The following PIKFYVE variants were observed in gnomAD, a reference collection of about 807,000 sequenced individuals.
The protein encoded by PIKFYVE is phosphoinositide kinase, FYVE-type zinc finger containing, also known as 1-phosphatidylinositol 3-phosphate 5-kinase.
In PIKFYVE, 122 loss-of-function variants were observed where a neutral mutation model predicts 257.9. That is an observed-to-expected ratio of 0.47 (90% CI 0.41 to 0.55). The LOEUF is 0.55. Among genes scored for constraint, PIKFYVE ranks in the 20% least tolerant of loss-of-function variants. The pLI, the probability that PIKFYVE is intolerant of heterozygous loss-of-function variation, is 0.00. For missense variants in PIKFYVE, 2,160 were observed against 2,536.6 expected (o/e 0.85, Z 3.19); for synonymous variants, 892 against 868.9 (o/e 1.03, Z -0.47).
chr2:208,319,143 A>T (rs1559116324), intron 16 of PIKFYVE, among the ~76,000 whole-genome samples: 1 of 152,160 alleles, frequency 6.6e-6, no homozygotes, highest in African/African-American at 2.4e-5. Flanking sequence ...TTACAGCAAG[A>T]GCTGAGGCAG....
Position 208,330,519 on chromosome 2 carries a change from A to C in PIKFYVE, c.3792-4A>C. 6.2e-7 allele frequency: 1 copy of C among 1,614,024 alleles called. No homozygotes were observed. Among genetic ancestry groups the C allele is most frequent in the Non-Finnish European group, 8.5e-7 (1 of 1,179,948 alleles). On this transcript the variant is annotated splice_polypyrimidine_tract_variant and splice_region_variant and intron_variant, in intron 22 of 41. Transcript: ENST00000264380. ...TGTGAGAAGGGCTCTTTTGTTTGTCAAAGGCCTTCTTATCAGTGTCCAAGC... is the reference window on the plus strand; with the variant it reads ...TGTGAGAAGGGCTCTTTTGTTTGTCCAAGGCCTTCTTATCAGTGTCCAAGC...
chr2:208,354,077 C>A lies in PIKFYVE; in HGVS notation c.6024C>A (p.Phe2008Leu). Reference sequence around the variant, plus strand: ...CCTCGATCCATAGTGACTCCCATTTCCTTTCTAGCCACCTCATTATAGATT... The same window carrying A: ...CCTCGATCCATAGTGACTCCCATTTACTTTCTAGCCACCTCATTATAGATT... ...LRTSIHSDSHFLSSHLIIDYS... is the reference protein window; with the variant it reads ...LRTSIHSDSHLLSSHLIIDYS... The change falls in exon 40 of 42, where the codon TTC (phenylalanine) becomes TTA (leucine). Residue 2008 changes from phenylalanine (F) to leucine (L), a missense_variant. Around this residue, in one of 12 missense-constraint regions of PIKFYVE, gnomAD observed 699 missense variants for 855.8 expected, o/e 0.82. Coordinates refer to ENST00000264380, the MANE Select transcript of PIKFYVE (RefSeq NM_015040.4). The A allele has an allele frequency of 6.2e-7, 1 of 1,613,980 alleles. No homozygotes were observed.
chr2:208,320,942 C>T (rs1040563461), intron 17 of PIKFYVE, among the ~76,000 whole-genome samples: 3 of 152,170 alleles, frequency 2.0e-5, no homozygotes, highest in African/African-American at 4.8e-5. Flanking sequence ...GGAGGCACAC[C>T]CGCATCTCTG....
chr2:208,299,705 C>T (rs1417474791), intron 8 of PIKFYVE, among the ~76,000 whole-genome samples: 1 of 152,208 alleles, frequency 6.6e-6, no homozygotes, highest in Admixed American at 6.5e-5. Context: ...TTGTTATACA[C>T]ATGTAACACT....
chr2:208,289,954 TTTA>T (rs1692084646), intron 7 of PIKFYVE, among the ~76,000 whole-genome samples: 1 of 152,176 alleles, frequency 6.6e-6, no homozygotes, highest in Admixed American at 6.5e-5. Flanking sequence ...TTTATATATT[TTTA>T]TTAAGTTTAT....
At position 208,355,480 on chromosome 2, in the gene PIKFYVE, A is replaced by C; in HGVS notation, c.*175A>C. The C allele has an allele frequency of 3.5e-5, 21 of 598,742 alleles. No homozygotes were observed. In the South Asian group the frequency reaches 4.2e-4, roughly 12 times the overall value. The allele number at this position is 598,742 out of a possible 1,614,324, so 37.1% of individuals were successfully genotyped here. ...GAATGGTAAAACTCCATGAATTTGC[A>C]CTTTGGTTTTTGATACCTGTGGAGC... On this transcript the variant is annotated 3_prime_UTR_variant, in exon 42 of 42. Transcript: ENST00000264380.
rs1700303755 is a variant in PIKFYVE, at chr2:208,358,702, T to C, written c.*3397T>C. ...ACTGCCTTGAACTTTTGGAGACTTG[T>C]ACTGTAAATAAAGAAATCTTAACAA... On this transcript the variant is annotated 3_prime_UTR_variant, in exon 42 of 42. Coordinates refer to ENST00000264380, the MANE Select transcript of PIKFYVE (RefSeq NM_015040.4). The C allele has an allele frequency of 1.3e-5, 2 of 152,668 alleles. No homozygotes were observed. The highest frequency in any genetic ancestry group is 1.3e-4 in the Admixed American group (2 of 15,284). 9.5% of individuals were successfully genotyped at this position (152,668 alleles called of 1,614,324 possible).
intron 29 of PIKFYVE, among the ~76,000 whole-genome samples, chr2:208,338,994 T>A (rs1167437457): frequency 1.3e-5 from 2 of 152,232 alleles, no homozygotes; most frequent in East Asian, 3.8e-4. Flanking sequence ...TGGGGAAATT[T>A]ACATAGACTG....
intron 7 of PIKFYVE, among the ~76,000 whole-genome samples, chr2:208,295,669 T>C (rs915488783): frequency 2.0e-4 from 31 of 152,184 alleles, no homozygotes; most frequent in Non-Finnish European, 7.3e-5. Flanking sequence ...ATCTGTTATG[T>C]TATAAAGGAC....
At chr2:208,311,635 G>A (rs1160574198) in intron 12 of PIKFYVE, among the ~76,000 whole-genome samples, 1 of 152,146 alleles carries the variant, frequency 6.6e-6, no homozygotes, top group East Asian at 1.9e-4. Flanking sequence ...TTCAGTTAAT[G>A]TCTAGCAAAA....
chr2:208,315,179 T>C lies in PIKFYVE; in HGVS notation c.1827-14T>C, dbSNP rs914550568. On this transcript the variant is annotated splice_polypyrimidine_tract_variant and intron_variant, in intron 14 of 41. Coordinates refer to ENST00000264380, the MANE Select transcript of PIKFYVE (RefSeq NM_015040.4). ...ATTAACTATGCAAACTTCTTTCTTA[T>C]AATATTTTTGTAGTTCAGCTAATCA... is the stretch of plus-strand genomic sequence containing the variant. The C allele has an allele frequency of 8.1e-6, 13 of 1,608,118 alleles. No homozygotes were observed. Among genetic ancestry groups the C allele is most frequent in the East Asian group, 4.5e-5 (2 of 44,816 alleles).
At chr2:208,326,801 G>GT (rs1284440972) in intron 20 of PIKFYVE, among the ~76,000 whole-genome samples, 2 of 152,058 alleles carry the variant, frequency 1.3e-5, no homozygotes, top group Non-Finnish European at 2.9e-5. Context: ...AAATAGATGT[G>GT]TTTTTTTAAA....
chr2:208,285,210 C>T (rs1691400534), intron 5 of PIKFYVE, among the ~76,000 whole-genome samples: 1 of 152,132 alleles, frequency 6.6e-6, no homozygotes, highest in East Asian at 1.9e-4. Flanking sequence ...ATTCTCCTGC[C>T]TCACCCTCCT....
Position 208,273,669 on chromosome 2 carries a change from T to A in PIKFYVE, c.258T>A (p.Val86=). ...SPQLPSRTQS[V]RSPTPYKKQL... is the part of the protein sequence containing the mutation. ...AGCTCCCTTCGAGGACACAGTCTGT[T>A]AGGTCACCCACACCTTATAAAAAGC... Residue 86 remains valine, a synonymous_variant, in exon 3 of 42, where the codon GTT becomes GTA. Transcript: ENST00000264380. The A allele has an allele frequency of 6.2e-7, 1 of 1,614,164 alleles. No individual in the cohort carries two copies. The highest frequency in any genetic ancestry group is 8.5e-7 in the Non-Finnish European group (1 of 1,180,034).
chr2:208,354,736 A>G, intron 41 of PIKFYVE, 91 bp downstream of exon 41: 1 of 1,003,644 alleles, frequency 1.0e-6, no homozygotes, highest in South Asian at 1.3e-5. Flanking sequence ...TTTTAGTTGT[A>G]AAAAATAAGT....
intron 7 of PIKFYVE, among the ~76,000 whole-genome samples, chr2:208,293,379 G>A (rs1355764587): frequency 6.6e-6 from 1 of 152,038 alleles, no homozygotes; most frequent in Non-Finnish European, 1.5e-5. Context: ...CTTCTTTGAT[G>A]CTTTTCTTTG....
chr2:208,291,612 G>T (rs1446489853), intron 7 of PIKFYVE, among the ~76,000 whole-genome samples: 1 of 152,102 alleles, frequency 6.6e-6, no homozygotes, highest in African/African-American at 2.4e-5. Context: ...GGTGCTTTCT[G>T]TTTTGGAAAG....
At chr2:208,336,330 T>C (rs6744236) in intron 27 of PIKFYVE, 130 bp downstream of exon 27, 1,065,408 of 1,069,410 alleles carry the variant, frequency 1, 530,792 homozygotes, top group East Asian at 1. Context: ...TTTTGTTTCC[T>C]GTCACTCTCC....
In PIKFYVE at chr2:208,344,963, A is replaced by G. The variant is rs566735144; in HGVS notation, c.5028-148A>G. Reference sequence around the variant, plus strand: ...ACCTTCCTCATGAAGCTTCTACTTGATTGCTTTTGTCAGTTAACCAAAATT... The same window carrying G: ...ACCTTCCTCATGAAGCTTCTACTTGGTTGCTTTTGTCAGTTAACCAAAATT... On this transcript the variant is annotated intron_variant, in intron 32 of 41. Transcript: ENST00000264380. 16 of 620,184 alleles carry G rather than the reference A, an allele frequency of 2.6e-5. No individual in the cohort carries two copies. In the South Asian group the frequency reaches 3.1e-4, roughly 12 times the overall value. The allele number at this position is 620,184 out of a possible 1,614,324, so 38.4% of individuals were successfully genotyped here.
Sources: allele counts gnomAD v4.1 joint callset (sites outside exome capture counted in the v4.1 genomes callset), GRCh38; gene constraint gnomAD v4.1.1; regional missense constraint gnomAD v4.1.1; transcripts MANE v1.5; gene names NCBI Gene and HGNC (gene_info 2026-07-23, HGNC 2026-07-21).